Variants in RPRD2 observed in about 807,000 individuals in gnomAD.
RPRD2 encodes regulation of nuclear pre-mRNA domain-containing protein 2.
In RPRD2, 12 loss-of-function variants were observed where a neutral mutation model predicts 104.4. That is an observed-to-expected ratio of 0.11 (90% CI 0.07 to 0.19). The LOEUF (loss-of-function observed/expected upper bound fraction) is 0.19. RPRD2 is among the 10% of genes least tolerant of loss of function. RPRD2 has a pLI of 1.00. For missense variants in RPRD2, 1,543 were observed against 1,790.1 expected (o/e 0.86, Z 2.49); for synonymous variants, 714 against 684.9 (o/e 1.04, Z -0.66).
intron 1 of RPRD2, among the ~76,000 whole-genome samples, chr1:150,393,196 C>T (rs782091953): frequency 3.3e-5 from 5 of 151,832 alleles, no homozygotes; most frequent in Non-Finnish European, 4.4e-5. Flanking sequence ...GGGCTGGGTG[C>T]GGTGGCTCAC....
intron 10 of RPRD2, among the ~76,000 whole-genome samples, chr1:150,465,030 G>A (rs1282508868): frequency 7.9e-5 from 12 of 151,910 alleles, no homozygotes; most frequent in African/African-American, 2.9e-4. Context: ...CACCATGTCT[G>A]GCTAATTTTT....
At chr1:150,399,312 T>C (rs1553884850) in intron 1 of RPRD2, among the ~76,000 whole-genome samples, 1 of 152,200 alleles carries the variant, frequency 6.6e-6, no homozygotes, top group East Asian at 1.9e-4. Flanking sequence ...GGTTTTACCT[T>C]AGGTCTATAA....
At chr1:150,440,007 A>C (rs1433750987) in intron 2 of RPRD2, among the ~76,000 whole-genome samples, 1 of 151,704 alleles carries the variant, frequency 6.6e-6, no homozygotes, top group East Asian at 1.9e-4. Context: ...TCTGTGGCCC[A>C]GGCTGGGTTG....
At chr1:150,382,436 G>A (rs1039043050) in intron 1 of RPRD2, among the ~76,000 whole-genome samples, 8 of 151,684 alleles carry the variant, frequency 5.3e-5, no homozygotes, top group Non-Finnish European at 1.0e-4. Context: ...CCAGGCTGGA[G>A]TGCAATGGCG....
rs187958127 is a variant in RPRD2, at chr1:150,371,694, C to T, written c.205+6775C>T. Among the ~76,000 whole-genome samples, 10 of 152,266 alleles carry T rather than the reference C, an allele frequency of 6.6e-5. No homozygotes were observed. The East Asian group carries it at 1.5e-3, about 23-fold the overall frequency. On this transcript the variant is annotated intron_variant, in intron 1 of 10. Coordinates refer to ENST00000369068, the MANE Select transcript of RPRD2 (RefSeq NM_015203.5). The stretch of plus-strand genomic sequence containing the variant: ...GTGCCAAGAGGTTAAGTAACTTGCC[C>T]GTGGTTACACAGCTAATAGGTGGTG...
chr1:150,451,143 A>G (rs1226666053), intron 7 of RPRD2, among the ~76,000 whole-genome samples: 1 of 152,174 alleles, frequency 6.6e-6, no homozygotes, highest in African/African-American at 2.4e-5. Flanking sequence ...AATATTTTGT[A>G]TAATGTTTCC....
intron 1 of RPRD2, among the ~76,000 whole-genome samples, chr1:150,388,181 G>C (rs1553882317): frequency 6.6e-6 from 1 of 151,824 alleles, no homozygotes; most frequent in African/African-American, 2.4e-5. Flanking sequence ...GCCTCATATA[G>C]TGCTGGGATT....
intron 9 of RPRD2, among the ~76,000 whole-genome samples, chr1:150,460,895 T>C (rs1222387033): frequency 6.7e-6 from 1 of 150,234 alleles, no homozygotes; most frequent in African/African-American, 2.5e-5. Context: ...CCAGCTAATT[T>C]TGTATTTTTG....
intron 1 of RPRD2, among the ~76,000 whole-genome samples, chr1:150,370,795 C>G (rs1051904001): frequency 7.2e-5 from 11 of 152,094 alleles, no homozygotes; most frequent in African/African-American, 2.7e-4. Flanking sequence ...AGTCTGGTCT[C>G]AACCTCCTAA....
At chr1:150,386,236 C>T (rs374176966) in intron 1 of RPRD2, among the ~76,000 whole-genome samples, 1 of 152,174 alleles carries the variant, frequency 6.6e-6, no homozygotes, top group East Asian at 1.9e-4. Context: ...GGCCTCCCAT[C>T]GTGTTGGGAT....
chr1:150,414,093 A>G (rs1181655047), intron 1 of RPRD2, among the ~76,000 whole-genome samples: 1 of 152,066 alleles, frequency 6.6e-6, no homozygotes, highest in African/African-American at 2.4e-5. Flanking sequence ...AAAAATTAAA[A>G]TCAAGCTCAG....
In RPRD2 at chr1:150,474,508, T is replaced by C. The variant is rs954743163; in HGVS notation, c.*1174T>C. On this transcript the variant is annotated 3_prime_UTR_variant, in exon 11 of 11. Coordinates refer to ENST00000369068, the MANE Select transcript of RPRD2 (RefSeq NM_015203.5). ...TCTTACCCCCACCTCTCGCTCCCAA[T>C]AGGAAATAAAGACCATTTCTGCCCT... The C allele has an allele frequency of 2.6e-5, 4 of 152,152 alleles. No homozygotes were observed. Among genetic ancestry groups the C allele is most frequent in the African/African-American group, 9.7e-5 (4 of 41,420 alleles). 9.4% of individuals were successfully genotyped at this position (152,152 alleles called of 1,614,324 possible). A position where few individuals can be genotyped will look rare whatever the true frequency, so the allele number is the denominator to read the frequency against.
At chr1:150,439,854 C>T (rs371342436) in intron 2 of RPRD2, among the ~76,000 whole-genome samples, 5 of 151,374 alleles carry the variant, frequency 3.3e-5, no homozygotes, top group African/African-American at 1.2e-4. Context: ...ACAATGGTTA[C>T]GCCCTTCCTG....
At position 150,471,587 on chromosome 1, in the gene RPRD2, C is replaced by T. The variant is rs777767997; in HGVS notation, c.2639C>T (p.Ala880Val). 20 of 1,613,614 alleles carry T rather than the reference C, an allele frequency of 1.2e-5. No homozygotes were observed. The highest frequency in any genetic ancestry group is 2.7e-5 in the African/African-American group (2 of 74,828). ...QPILSSYSHR[A>V]QEFGVKSAFP... Reference sequence around the variant, plus strand: ...ATTCTGTCCAGTTATAGCCACAGAGCCCAAGAATTTGGGGTAAAGTCTGCC... The same window carrying T: ...ATTCTGTCCAGTTATAGCCACAGAGTCCAAGAATTTGGGGTAAAGTCTGCC... Residue 880 changes from alanine (A) to valine (V), a missense_variant, in exon 11 of 11, where the codon GCC (alanine) becomes GTC (valine). Around this residue, in one of 4 missense-constraint regions of RPRD2, gnomAD observed 880 missense variants for 885.6 expected, o/e 0.99. Coordinates refer to ENST00000369068, the MANE Select transcript of RPRD2 (RefSeq NM_015203.5). This position sits in a 1 kb window ranked among gnomAD's most constrained non-coding sequence, Gnocchi z 5.3.
intron 7 of RPRD2, among the ~76,000 whole-genome samples, chr1:150,448,150 A>G (rs1352721452): frequency 2.0e-5 from 3 of 151,976 alleles, no homozygotes; most frequent in African/African-American, 7.3e-5. Flanking sequence ...GCTTCAATCA[A>G]CTATATTTAC....
At chr1:150,372,558 C>T (rs1410497128) in intron 1 of RPRD2, among the ~76,000 whole-genome samples, 1 of 151,316 alleles carries the variant, frequency 6.6e-6, no homozygotes, top group African/African-American at 2.4e-5. Flanking sequence ...AGACAGACAG[C>T]AAACAGATAA....
At chr1:150,390,025 A>AT (rs1219746194) in intron 1 of RPRD2, among the ~76,000 whole-genome samples, 1 of 152,176 alleles carries the variant, frequency 6.6e-6, no homozygotes, top group East Asian at 1.9e-4. Context: ...ATGCAAATAC[A>AT]TTTTTAGAAA....
At chr1:150,368,185 C>T (rs1338984048) in intron 1 of RPRD2, among the ~76,000 whole-genome samples, 3 of 138,648 alleles carry the variant, frequency 2.2e-5, no homozygotes, top group African/African-American at 8.1e-5. Context: ...GAAAGACCTA[C>T]TTTGATCACC....
At chr1:150,460,860 G>A (rs1667888032) in intron 9 of RPRD2, among the ~76,000 whole-genome samples, 1 of 150,684 alleles carries the variant, frequency 6.6e-6, no homozygotes, top group East Asian at 2.0e-4. Context: ...CAAATAGCTG[G>A]GACTACAGGC....
Sources: gnomAD v4.1 joint callset for allele counts (sites outside exome capture counted in the v4.1 genomes callset) on GRCh38, gnomAD v4.1.1 for gene constraint, gnomAD v4.1.1 regional missense constraint, Gnocchi (gnomAD v3.1) non-coding constraint, MANE v1.5 for transcripts, NCBI Gene and HGNC (gene_info 2026-07-23, HGNC 2026-07-21) for gene names.